The following RMDN1 variants were observed in gnomAD, a reference collection of about 807,000 sequenced individuals.
The protein encoded by RMDN1 is regulator of microtubule dynamics protein 1.
RMDN1 carries 48 observed loss-of-function variants against 48.9 expected under a neutral mutation model. The ratio of observed to expected loss-of-function variants is 0.98; its 90% CI spans 0.78 to 1.25. The LOEUF is 1.25. Among genes scored for constraint, RMDN1 ranks in the 50% most tolerant of loss-of-function variants. The probability of loss-of-function intolerance (pLI) is 0.00; values close to 1 mark genes in which losing one functional copy is unlikely to be tolerated. For missense variants in RMDN1, 418 were observed against 373.4 expected, an observed-to-expected ratio of 1.12 and a Z score of -0.98; for synonymous variants, 148 against 132.6, an observed-to-expected ratio of 1.12 and a Z score of -0.80.
chr8:86,493,350 T>C (rs1165459751), intron 2 of RMDN1, among the ~76,000 whole-genome samples: 4 of 152,204 alleles, frequency 2.6e-5, no homozygotes, highest in African/African-American at 9.7e-5. Flanking sequence ...GAAATCAGTA[T>C]GTCAAAGAGA....
At chr8:86,472,302 G>C (rs1167265261), downstream of RMDN1, 4 of 625,250 alleles carry the variant, frequency 6.4e-6, no homozygotes, top group Non-Finnish European at 8.6e-6. Context: ...TGATGCTACA[G>C]GTAGAAAATT....
intron 1 of RMDN1, among the ~76,000 whole-genome samples, chr8:86,507,666 T>G (rs1388121519): frequency 6.6e-6 from 1 of 151,114 alleles, no homozygotes; most frequent in Admixed American, 6.6e-5. Flanking sequence ...CTCATCATTG[T>G]TCCAATTTGA....
At chr8:86,492,132 A>G (rs1177138735) in intron 2 of RMDN1, among the ~76,000 whole-genome samples, 1 of 152,186 alleles carries the variant, frequency 6.6e-6, no homozygotes, top group Non-Finnish European at 1.5e-5. Flanking sequence ...AATTTTGAAA[A>G]TATATATGAA....
In RMDN1 at chr8:86,507,022, C is replaced by A. The variant is rs1173856738; in HGVS notation, c.220G>T (p.Ala74Ser). The A allele has an allele frequency of 1.9e-6, 3 of 1,609,672 alleles. No individual in the cohort carries two copies. The highest frequency in any genetic ancestry group is 2.6e-6 in the Non-Finnish European group (3 of 1,175,972). ...GFETYQVISQAAVVHATAKVE... is the reference protein window; with the variant it reads ...GFETYQVISQSAVVHATAKVE... ...TTGGCTGTGGCATGAACCACAGCAG[C>A]CTGAGAGATAACCTGGTAAGTTTCA... The change falls in exon 2 of 10, where the codon GCT (alanine) becomes TCT (serine). Residue 74 changes from alanine to serine, a missense_variant. By Grantham distance (99) the Ala-to-Ser change is moderately conservative (BLOSUM62 1). Coordinates refer to ENST00000406452, the MANE Select transcript of RMDN1 (RefSeq NM_016033.3).
At chr8:86,469,503 T>C (rs919606798), downstream of RMDN1, among the ~76,000 whole-genome samples, 5 of 152,158 alleles carry the variant, frequency 3.3e-5, no homozygotes, top group Non-Finnish European at 5.9e-5. Flanking sequence ...ATTTCATAGA[T>C]TGCTGTTAGA....
chr8:86,485,220 G>A (rs1214356337), intron 4 of RMDN1, among the ~76,000 whole-genome samples: 1 of 152,178 alleles, frequency 6.6e-6, no homozygotes, highest in Non-Finnish European at 1.5e-5. Context: ...CTGAGGTCAG[G>A]AGTTTGAGGC....
intron 8 of RMDN1, among the ~76,000 whole-genome samples, chr8:86,475,226 T>G (rs1813169748): frequency 6.6e-6 from 1 of 152,200 alleles, no homozygotes; most frequent in African/African-American, 2.4e-5. Context: ...ATTTTATAGA[T>G]GAGAAGCTGA....
chr8:86,511,836 G>GA (rs144306786), upstream of RMDN1, among the ~76,000 whole-genome samples: 29 of 143,274 alleles, frequency 2.0e-4, no homozygotes, highest in Admixed American at 1.2e-3. Flanking sequence ...AAAAGAAAAA[G>GA]AAAAAAAAAA....
At position 86,473,001 on chromosome 8, in the gene RMDN1, G is replaced by T; in HGVS notation, c.*1307C>A. 2.6e-6 allele frequency: 1 copy of T among 377,658 alleles called. No homozygotes were observed. Among genetic ancestry groups the T allele is most frequent in the Non-Finnish European group, 3.6e-6 (1 of 274,900 alleles). 23.4% of individuals were successfully genotyped at this position (377,658 alleles called of 1,614,324 possible). A position where few individuals can be genotyped will look rare whatever the true frequency, so the allele number is the denominator to read the frequency against. ...TCCCATCTCCAAGATATCTTATTGTGTGTATGCAGGTATTCCAAAATTTGG... is the reference window on the plus strand; with the variant it reads ...TCCCATCTCCAAGATATCTTATTGTTTGTATGCAGGTATTCCAAAATTTGG... On this transcript the variant is annotated 3_prime_UTR_variant, in exon 10 of 10. Coordinates refer to ENST00000406452, the MANE Select transcript of RMDN1 (RefSeq NM_016033.3).
chr8:86,500,356 A>G (rs1818003856), intron 2 of RMDN1, among the ~76,000 whole-genome samples: 1 of 152,052 alleles, frequency 6.6e-6, no homozygotes, highest in Admixed American at 6.6e-5. Flanking sequence ...ATCCCACTAA[A>G]AAATGGGCAA....
intron 2 of RMDN1, chr8:86,503,871 C>T (rs1818825056): frequency 1.6e-6 from 1 of 644,528 alleles, no homozygotes; most frequent in Non-Finnish European, 2.9e-6. Context: ...TTATCGTCAA[C>T]CTGTTGGCTG....
intron 5 of RMDN1, chr8:86,481,936 C>A: frequency 1.2e-6 from 1 of 809,904 alleles, no homozygotes; most frequent in Non-Finnish European, 2.1e-6. Flanking sequence ...GAAAGATTCT[C>A]TAGTATTTGC....
At chr8:86,486,894 A>G (rs1815580071) in intron 3 of RMDN1, among the ~76,000 whole-genome samples, 1 of 151,186 alleles carries the variant, frequency 6.6e-6, no homozygotes, top group African/African-American at 2.4e-5. Flanking sequence ...ACTTCTTTCA[A>G]AAATATCTTT....
At chr8:86,475,091 A>G (rs748299097) in intron 8 of RMDN1, 138 bp from the exon 9 acceptor site, 16 of 620,182 alleles carry the variant, frequency 2.6e-5, no homozygotes, top group Non-Finnish European at 2.7e-5. Context: ...TCTTTTGTTC[A>G]ACTGTTTATA....
At chr8:86,491,850 G>C (rs1348212079) in intron 2 of RMDN1, among the ~76,000 whole-genome samples, 1 of 152,146 alleles carries the variant, frequency 6.6e-6, no homozygotes, top group Non-Finnish European at 1.5e-5. Flanking sequence ...CATGTGAGCA[G>C]TGTCAAGACA....
chr8:86,478,352 T>C (rs1226473838), intron 7 of RMDN1: 1 of 152,266 alleles, frequency 6.6e-6, no homozygotes, highest in East Asian at 1.9e-4. Flanking sequence ...ATAATACAAG[T>C]ACAGCTTTTT....
intron 2 of RMDN1, among the ~76,000 whole-genome samples, chr8:86,499,814 C>A (rs535593429): frequency 3.3e-5 from 5 of 152,234 alleles, no homozygotes; most frequent in African/African-American, 1.2e-4. Context: ...GTAACCCAAA[C>A]GGCATTATAC....
At chr8:86,469,267 A>G (rs1176566783), downstream of RMDN1, among the ~76,000 whole-genome samples, 1 of 151,714 alleles carries the variant, frequency 6.6e-6, no homozygotes, top group Non-Finnish European at 1.5e-5. Flanking sequence ...TTAACTACCT[A>G]GCTCTTCCTA....
intron 2 of RMDN1, among the ~76,000 whole-genome samples, chr8:86,503,033 A>C (rs1818535868): frequency 1.3e-5 from 2 of 152,154 alleles, no homozygotes; most frequent in South Asian, 4.1e-4. Flanking sequence ...AGACCACAGC[A>C]ATGTTAGCTC....
Sources: allele counts gnomAD v4.1 joint callset (sites outside exome capture counted in the v4.1 genomes callset), GRCh38; gene constraint gnomAD v4.1.1; transcripts MANE v1.5; gene names NCBI Gene and HGNC (gene_info 2026-07-23, HGNC 2026-07-21).